CFAP263: variants seen among roughly 807,000 people sequenced by gnomAD.
The protein encoded by CFAP263 is cilia and flagella associated protein 263.
At chr16:58,275,244 A>T in the CFAP263 span, among the ~76,000 whole-genome samples, 1 of 152,168 alleles carries the variant, frequency 6.6e-6, no homozygotes, top group Non-Finnish European at 1.5e-5. Context: ...GCAGATTCTG[A>T]GTGGGTAGGT....
At chr16:58,283,752 G>T in the CFAP263 span, 1 of 152,166 alleles carries the variant, frequency 6.6e-6, no homozygotes, top group Admixed American at 6.5e-5. Context: ...CTCAATAGAT[G>T]TTACACCAAC....
the CFAP263 span, among the ~76,000 whole-genome samples, chr16:58,257,675 A>C: frequency 6.6e-6 from 1 of 150,814 alleles, no homozygotes; most frequent in Non-Finnish European, 1.5e-5. Flanking sequence ...TTTTTTTAAT[A>C]ACAGAAATAT....
chr16:58,255,511 C>A, the CFAP263 span, among the ~76,000 whole-genome samples: 1 of 152,128 alleles, frequency 6.6e-6, no homozygotes, highest in South Asian at 2.1e-4. Context: ...CAAGTTGACA[C>A]CTAATATTAA....
the CFAP263 span, among the ~76,000 whole-genome samples, chr16:58,262,874 T>C: frequency 7.2e-4 from 110 of 152,264 alleles, no homozygotes; most frequent in Middle Eastern, 6.8e-3. Context: ...ATTTATTTTG[T>C]TTTTTATTGC....
chr16:58,250,764 CAAAAAA>C, the CFAP263 span, among the ~76,000 whole-genome samples: 1 of 101,850 alleles, frequency 9.8e-6, no homozygotes, highest in Admixed American at 9.6e-5. Flanking sequence ...GACTAAGTCT[CAAAAAA>C]AAAAAAAAAA....
chr16:58,267,185 T>G, the CFAP263 span, among the ~76,000 whole-genome samples: 5 of 152,270 alleles, frequency 3.3e-5, no homozygotes, highest in South Asian at 1.0e-3. Context: ...GACCCAAGTT[T>G]AGAGAGGTTC....
the CFAP263 span, among the ~76,000 whole-genome samples, chr16:58,273,509 A>G: frequency 6.6e-6 from 1 of 152,190 alleles, no homozygotes; most frequent in Admixed American, 6.5e-5. Context: ...TATTGAAAAG[A>G]TTCCAGATTT....
the CFAP263 span, chr16:58,281,454 C>A: frequency 6.6e-6 from 1 of 152,394 alleles, no homozygotes; most frequent in South Asian, 2.1e-4. Context: ...CCTGATGTCG[C>A]TATAAAGGCC....
At chr16:58,258,852 C>T in the CFAP263 span, among the ~76,000 whole-genome samples, 1 of 151,992 alleles carries the variant, frequency 6.6e-6, no homozygotes, top group African/African-American at 2.4e-5. Context: ...GGTGTTTGTG[C>T]CTGTAATCCC....
the CFAP263 span, chr16:58,249,990 T>G: frequency 3.3e-6 from 5 of 1,509,490 alleles, no homozygotes; most frequent in Non-Finnish European, 3.6e-6. Flanking sequence ...CACACGGCAT[T>G]GGCAGGGGCC....
At chr16:58,264,499 C>CT in the CFAP263 span, among the ~76,000 whole-genome samples, 11 of 152,252 alleles carry the variant, frequency 7.2e-5, no homozygotes, top group South Asian at 1.9e-3. Context: ...GGCAGAACAA[C>CT]TGAGTTGTGG....
At chr16:58,268,617 A>G in the CFAP263 span, among the ~76,000 whole-genome samples, 1 of 152,156 alleles carries the variant, frequency 6.6e-6, no homozygotes, top group East Asian at 1.9e-4. Flanking sequence ...ATTCACATCT[A>G]AGTTTTGTCA....
chr16:58,250,548 T>A, the CFAP263 span: 1 of 155,520 alleles, frequency 6.4e-6, no homozygotes, highest in Non-Finnish European at 1.4e-5. Context: ...ACGGATCGCT[T>A]GAGGTCAGGA....
At chr16:58,256,111 A>G in the CFAP263 span, among the ~76,000 whole-genome samples, 2 of 152,248 alleles carry the variant, frequency 1.3e-5, no homozygotes, top group African/African-American at 4.8e-5. Context: ...GGGCATTCGC[A>G]GAATCACACT....
chr16:58,283,507 T>C, the CFAP263 span: 1 of 152,192 alleles, frequency 6.6e-6, no homozygotes, highest in Admixed American at 6.5e-5. Context: ...TTTAATCAGT[T>C]GATGTCAGAG....
the CFAP263 span, among the ~76,000 whole-genome samples, chr16:58,251,798 AGCT>A: frequency 1.4e-5 from 1 of 70,582 alleles, no homozygotes; most frequent in East Asian, 3.0e-4. Flanking sequence ...AAAACATCAA[AGCT>A]GTTCTCTCTC....
chr16:58,270,202 A>C, the CFAP263 span, among the ~76,000 whole-genome samples: 2 of 152,198 alleles, frequency 1.3e-5, no homozygotes, highest in Non-Finnish European at 2.9e-5. Flanking sequence ...TACCCATTGT[A>C]AGTTGAAAAT....
At chr16:58,280,354 G>T in the CFAP263 span, 2,210 of 1,614,096 alleles carry the variant, frequency 1.4e-3, 11 homozygotes, top group South Asian at 1.4e-3. Context: ...ATAGTATAAG[G>T]GTTGTACAGA....
At chr16:58,280,136 A>T in the CFAP263 span, 1 of 1,376,932 alleles carries the variant, frequency 7.3e-7, no homozygotes, top group Non-Finnish European at 1.0e-6. Flanking sequence ...GTGTGCAACT[A>T]TCAAAAACAG....
Sources: allele counts gnomAD v4.1 joint callset (sites outside exome capture counted in the v4.1 genomes callset), GRCh38; gene constraint gnomAD v4.1.1; transcripts MANE v1.5; gene names NCBI Gene and HGNC (gene_info 2026-07-23, HGNC 2026-07-21).